ADGB: variants seen among roughly 807,000 people sequenced by gnomAD.
ADGB encodes androglobin.
In ADGB, 172 loss-of-function variants were observed where a neutral mutation model predicts 210.5. The ratio of observed to expected loss-of-function variants is 0.82; its 90% CI spans 0.72 to 0.93. The LOEUF (loss-of-function observed/expected upper bound fraction) is 0.93. ADGB is among the 40% of genes least tolerant of loss of function. The pLI, the probability that ADGB is intolerant of heterozygous loss-of-function variation, is 0.00. For missense variants in ADGB, 2,025 were observed against 1,964.8 expected, an observed-to-expected ratio of 1.03 and a Z score of -0.58; for synonymous variants, 658 against 662.7, an observed-to-expected ratio of 0.99 and a Z score of 0.11.
chr6:146,676,093 C>A (rs754389315), intron 8 of ADGB, among the ~76,000 whole-genome samples: 78 of 152,002 alleles, frequency 5.1e-4, no homozygotes, highest in Non-Finnish European at 6.8e-4. Flanking sequence ...AAAAGCAATG[C>A]TGTATTTATT....
intron 16 of ADGB, among the ~76,000 whole-genome samples, chr6:146,720,119 A>G (rs963434147): frequency 6.6e-6 from 1 of 152,168 alleles, no homozygotes; most frequent in African/African-American, 2.4e-5. Context: ...TAATTCAATT[A>G]AGTTAATTGA....
At chr6:146,653,523 G>C (rs1202057441) in intron 3 of ADGB, among the ~76,000 whole-genome samples, 1 of 152,122 alleles carries the variant, frequency 6.6e-6, no homozygotes, top group Non-Finnish European at 1.5e-5. Flanking sequence ...TCACTTATAA[G>C]TGGGAGCTAA....
intron 11 of ADGB, 121 bp downstream of exon 11, chr6:146,691,411 AATATATATATATAT>A (rs71031004): frequency 1.0e-5 from 1 of 98,244 alleles, no homozygotes; most frequent in Non-Finnish European, 1.6e-5. Context: ...GCCTATGTTT[AATATATATATATAT>A]ATATATATAT....
At chr6:146,735,029 A>C (rs1417766555) in intron 22 of ADGB, among the ~76,000 whole-genome samples, 1 of 117,362 alleles carries the variant, frequency 8.5e-6, no homozygotes, top group Non-Finnish European at 1.7e-5. Flanking sequence ...ATATTGAAAA[A>C]CTTTCTTGTA....
chr6:146,739,368 G>T (rs188529702), intron 23 of ADGB, among the ~76,000 whole-genome samples: 28 of 152,234 alleles, frequency 1.8e-4, no homozygotes, highest in Admixed American at 5.2e-4. Flanking sequence ...TAATAATTAG[G>T]CCTGTAATAA....
Position 146,691,425 on chromosome 6 carries a change from T to TATAA in ADGB, c.1486+138_1486+139insAATA, listed in dbSNP as rs1554231816. 8 of 71,640 alleles carry TATAA rather than the reference T, an allele frequency of 1.1e-4. 1 individual carries two copies. The highest frequency in any genetic ancestry group is 9.8e-4 in the African/African-American group (8 of 8,198). 4.4% of individuals were successfully genotyped at this position (71,640 alleles called of 1,614,324 possible). A position where few individuals can be genotyped will look rare whatever the true frequency, so the allele number is the denominator to read the frequency against. On this transcript the variant is annotated intron_variant, in intron 11 of 35. Coordinates refer to ENST00000397944, the MANE Select transcript of ADGB (RefSeq NM_024694.4). ...AGCCTATGTTTAATATATATATATA[T>TATAA]ATATATATATATATATAAAAATATA...
intron 1 of ADGB, among the ~76,000 whole-genome samples, chr6:146,633,526 T>C (rs1781095266): frequency 6.6e-6 from 1 of 152,006 alleles, no homozygotes; most frequent in Admixed American, 6.6e-5. Flanking sequence ...TCACACAGCT[T>C]AAGGCACACT....
chr6:146,614,195 CCCTCCCTTCCTCCCTT>C (rs1198665282), intron 1 of ADGB, among the ~76,000 whole-genome samples: 20 of 109,372 alleles, frequency 1.8e-4, no homozygotes, highest in Admixed American at 2.5e-4. Context: ...CTCCCTCCCT[CCCTCCCTTCCTCCCTT>C]CCTTCCTCCC....
chr6:146,601,051 A>G (rs1583554196), intron 1 of ADGB, among the ~76,000 whole-genome samples: 2 of 151,980 alleles, frequency 1.3e-5, no homozygotes, highest in African/African-American at 4.8e-5. Context: ...TTGGACTTTA[A>G]TGAGTTTATA....
rs754830973 is a variant in ADGB, at chr6:146,672,452, G to A, written c.1072G>A (p.Asp358Asn). The change falls in exon 8 of 36, where the codon GAC becomes AAC. Residue 358 changes from aspartate to asparagine, a missense_variant. Physicochemically the swap from Asp to Asn is conservative, Grantham distance 23. Transcript: ENST00000397944. The stretch of plus-strand genomic sequence containing the variant: ...AACACTAAAGGCTCCTGAGAAAAGC[G>A]ACAAAGTTCCAAAGGGTAAGATATT... ...LTTLKAPEKS[D>N]KVPKEKADAR... The A allele has an allele frequency of 1.6e-4, 251 of 1,543,472 alleles. No individual in the cohort carries two copies. The highest frequency in any genetic ancestry group is 2.1e-4 in the Non-Finnish European group (237 of 1,144,666).
At chr6:146,652,868 C>T (rs115818749) in intron 3 of ADGB, among the ~76,000 whole-genome samples, 1 of 152,056 alleles carries the variant, frequency 6.6e-6, no homozygotes, top group East Asian at 1.9e-4. Flanking sequence ...TCAGGTTTAG[C>T]TTCAGTGGTT....
At chr6:146,655,193 C>G (rs1775762259) in intron 4 of ADGB, among the ~76,000 whole-genome samples, 1 of 152,088 alleles carries the variant, frequency 6.6e-6, no homozygotes, top group Non-Finnish European at 1.5e-5. Flanking sequence ...TAGCTGTATT[C>G]TCTCCCTCTG....
intron 32 of ADGB, among the ~76,000 whole-genome samples, chr6:146,786,007 C>T: frequency 6.6e-6 from 1 of 151,518 alleles, no homozygotes; most frequent in Non-Finnish European, 1.5e-5. Flanking sequence ...AATGATGCAA[C>T]CTAGTTAGAA....
At chr6:146,719,103 C>G (rs1392612497) in intron 16 of ADGB, among the ~76,000 whole-genome samples, 2 of 152,146 alleles carry the variant, frequency 1.3e-5, no homozygotes, top group Admixed American at 1.3e-4. Flanking sequence ...TGCATTCACT[C>G]CTCATAGCAA....
Position 146,654,189 on chromosome 6 carries a change from C to A in ADGB, c.385C>A (p.His129Asn). The change falls in exon 4 of 36, where the codon CAT becomes AAT. Residue 129 changes from histidine to asparagine, a missense_variant. Transcript: ENST00000397944. ...GTTTGACTTATTTTCAGCAAATGAA[C>A]ATTTACTCTGCAGCGAGGTATGTAC... ...ITFDLFSANE[H>N]LLCSELMRWI... 1 of 1,545,216 alleles carries A rather than the reference C, an allele frequency of 6.5e-7. No individual in the cohort carries two copies. Among genetic ancestry groups the A allele is most frequent in the Non-Finnish European group, 8.8e-7 (1 of 1,142,694 alleles).
chr6:146,789,338 A>T (rs1166838453), intron 33 of ADGB, among the ~76,000 whole-genome samples: 1 of 152,190 alleles, frequency 6.6e-6, no homozygotes, highest in Non-Finnish European at 1.5e-5. Context: ...TGTCTCTCAC[A>T]TCAAGCTACA....
chr6:146,694,102 C>A (rs1454211397), intron 12 of ADGB, among the ~76,000 whole-genome samples: 1 of 152,122 alleles, frequency 6.6e-6, no homozygotes, highest in African/African-American at 2.4e-5. Context: ...CATGTACCTC[C>A]AAACTCTTCC....
chr6:146,768,835 G>A (rs952140646), intron 28 of ADGB, among the ~76,000 whole-genome samples, 185 bp from the exon 29 acceptor site: 2 of 152,036 alleles, frequency 1.3e-5, no homozygotes, highest in African/African-American at 4.8e-5. Flanking sequence ...GGGGATGTGG[G>A]GCTATTAAAC....
At chr6:146,746,885 G>C (rs9485120) in intron 26 of ADGB, among the ~76,000 whole-genome samples, 4 of 151,510 alleles carry the variant, frequency 2.6e-5, no homozygotes, top group Non-Finnish European at 5.9e-5. Context: ...TATTTTGCTC[G>C]AGCATTTCCT....
Sources: gnomAD v4.1 joint callset for allele counts (sites outside exome capture counted in the v4.1 genomes callset) on GRCh38, gnomAD v4.1.1 for gene constraint, MANE v1.5 for transcripts, NCBI Gene and HGNC (gene_info 2026-07-23, HGNC 2026-07-21) for gene names.